Variants in NCAM2 observed in about 807,000 individuals in gnomAD.
The protein encoded by NCAM2 is neural cell adhesion molecule 2, also known as N-CAM-2.
In NCAM2, 30 loss-of-function variants were observed where a neutral mutation model predicts 98.1. That is an observed-to-expected ratio of 0.31 (90% CI 0.23 to 0.41). The LOEUF is 0.41. Among genes scored for constraint, NCAM2 ranks in the 10% least tolerant of loss-of-function variants. NCAM2 has a pLI of 1.00. For missense variants in NCAM2, 867 were observed against 1,005.8 expected, an observed-to-expected ratio of 0.86 and a Z score of 1.87; for synonymous variants, 368 against 342.4, an observed-to-expected ratio of 1.07 and a Z score of -0.83.
At chr21:21,203,912 A>G (rs556361038) in intron 1 of NCAM2, among the ~76,000 whole-genome samples, 19 of 152,262 alleles carry the variant, frequency 1.2e-4, no homozygotes, top group African/African-American at 3.8e-4. Flanking sequence ...CCTTTGAGCT[A>G]TGCCAATATG....
chr21:21,291,663 G>A (rs1601882514), intron 4 of NCAM2, among the ~76,000 whole-genome samples: 2 of 151,290 alleles, frequency 1.3e-5, no homozygotes, highest in East Asian at 3.9e-4. Context: ...CCACAGAGAC[G>A]CAAAATTTTT....
chr21:21,138,594 A>T (rs2146644876), intron 1 of NCAM2, among the ~76,000 whole-genome samples: 1 of 152,206 alleles, frequency 6.6e-6, no homozygotes, highest in African/African-American at 2.4e-5. Flanking sequence ...CATTATTGCC[A>T]TCCTCTCACA....
At chr21:21,017,438 A>AG (rs1325014155) in intron 1 of NCAM2, among the ~76,000 whole-genome samples, 1 of 150,478 alleles carries the variant, frequency 6.6e-6, no homozygotes, top group Non-Finnish European at 1.5e-5. Context: ...AAAAAAAAAA[A>AG]AAAAAAAAAA....
At chr21:21,489,065 A>C (rs887444419) in intron 15 of NCAM2, among the ~76,000 whole-genome samples, 2 of 152,052 alleles carry the variant, frequency 1.3e-5, no homozygotes, top group African/African-American at 2.4e-5. Context: ...ATCTCAGCTC[A>C]CTGGCACCTC....
intron 12 of NCAM2, among the ~76,000 whole-genome samples, chr21:21,464,950 C>T (rs1298488247): frequency 6.6e-6 from 1 of 152,070 alleles, no homozygotes; most frequent in Admixed American, 6.6e-5. Context: ...TCAATCTATT[C>T]CCAATTGGCC....
intron 1 of NCAM2, chr21:21,210,777 T>G (rs2069622212): frequency 1.9e-6 from 1 of 533,434 alleles, no homozygotes; most frequent in Non-Finnish European, 2.8e-6. Flanking sequence ...ACATCTTATT[T>G]ACTAGAACTC....
intron 1 of NCAM2, among the ~76,000 whole-genome samples, chr21:21,129,098 CGT>C (rs2146604400): frequency 6.6e-6 from 1 of 152,162 alleles, no homozygotes; most frequent in African/African-American, 2.4e-5. Flanking sequence ...AATTTTAAAA[CGT>C]ATAAATTTGC....
chr21:21,457,969 T>G (rs1982400033), intron 12 of NCAM2, among the ~76,000 whole-genome samples: 1 of 152,182 alleles, frequency 6.6e-6, no homozygotes, highest in Non-Finnish European at 1.5e-5. Flanking sequence ...ATCAGCCATC[T>G]CAGTCGAAGC....
chr21:21,258,016 A>G (rs1039310371), intron 1 of NCAM2, among the ~76,000 whole-genome samples: 2 of 152,164 alleles, frequency 1.3e-5, no homozygotes, highest in Non-Finnish European at 2.9e-5. Context: ...TTTTATTTCT[A>G]TTTAGTTTCC....
chr21:21,491,761 A>C (rs1228162044), intron 15 of NCAM2, among the ~76,000 whole-genome samples: 5 of 151,566 alleles, frequency 3.3e-5, no homozygotes, highest in African/African-American at 1.2e-4. Flanking sequence ...TGTATATTTT[A>C]ATATATACAT....
intron 1 of NCAM2, among the ~76,000 whole-genome samples, chr21:21,272,944 A>G (rs2072578966): frequency 7.4e-6 from 1 of 134,568 alleles, no homozygotes; most frequent in Non-Finnish European, 1.6e-5. Context: ...TCACACACAC[A>G]CACACACACA....
At chr21:21,447,190 G>C (rs1238034754) in intron 12 of NCAM2, among the ~76,000 whole-genome samples, 1 of 152,114 alleles carries the variant, frequency 6.6e-6, no homozygotes, top group East Asian at 1.9e-4. Flanking sequence ...CATGTTACTG[G>C]TATCAATACA....
At chr21:21,521,110 C>A (rs1170564030) in intron 16 of NCAM2, among the ~76,000 whole-genome samples, 1 of 152,082 alleles carries the variant, frequency 6.6e-6, no homozygotes, top group Non-Finnish European at 1.5e-5. Flanking sequence ...CTAACTGACC[C>A]GGAGAATGGA....
At chr21:21,224,014 A>T (rs1405921482) in intron 1 of NCAM2, among the ~76,000 whole-genome samples, 2 of 152,280 alleles carry the variant, frequency 1.3e-5, no homozygotes, top group African/African-American at 2.4e-5. Flanking sequence ...GGAGGCCCAG[A>T]GCTCTCTAGA....
chr21:21,057,723 T>A (rs763058028), intron 1 of NCAM2, among the ~76,000 whole-genome samples: 15 of 152,134 alleles, frequency 9.9e-5, no homozygotes, highest in Non-Finnish European at 1.8e-4. Context: ...AAGACTTTCC[T>A]AAGGGCTGAG....
At chr21:21,256,996 C>G (rs1219227360) in intron 1 of NCAM2, among the ~76,000 whole-genome samples, 1 of 152,146 alleles carries the variant, frequency 6.6e-6, no homozygotes, top group African/African-American at 2.4e-5. Flanking sequence ...TGAATTGAAC[C>G]TGCAGCAATT....
rs527651231 is a variant in NCAM2 at position 21,386,365 on chromosome 21, A to G, written c.1195+12352A>G. Among the ~76,000 whole-genome samples, 4 of 152,292 alleles carry G rather than the reference A, an allele frequency of 2.6e-5. No individual in the cohort carries two copies. The East Asian group carries it at 7.7e-4, about 29-fold the overall frequency. The stretch of plus-strand genomic sequence containing the variant: ...ATTAAAATCTTGTCTTATGACCCTG[A>G]CTTTTACACTCACCATAGTACATTT... On this transcript the variant is annotated intron_variant, in intron 9 of 17. Coordinates refer to ENST00000400546, the MANE Select transcript of NCAM2 (RefSeq NM_004540.5).
chr21:21,445,403 T>A (rs1979957960), intron 12 of NCAM2, among the ~76,000 whole-genome samples: 1 of 152,136 alleles, frequency 6.6e-6, no homozygotes, highest in African/African-American at 2.4e-5. Flanking sequence ...ATTTTCTGTC[T>A]TGTTGATTTG....
chr21:21,203,553 T>G (rs965524421), intron 1 of NCAM2, among the ~76,000 whole-genome samples: 1 of 152,184 alleles, frequency 6.6e-6, no homozygotes, highest in Non-Finnish European at 1.5e-5. Context: ...GTAGTCTGAT[T>G]TCCTACAGGT....
Sources: gnomAD v4.1 joint callset for allele counts (sites outside exome capture counted in the v4.1 genomes callset) on GRCh38, gnomAD v4.1.1 for gene constraint, MANE v1.5 for transcripts, NCBI Gene and HGNC (gene_info 2026-07-23, HGNC 2026-07-21) for gene names.